The following BSPRY variants were observed in gnomAD, a reference collection of about 807,000 sequenced individuals.
The protein encoded by BSPRY is B-box and SPRY domain containing, also known as B box and SPRY domain-containing protein.
In BSPRY, 33 loss-of-function variants were observed where a neutral mutation model predicts 38.0. The ratio of observed to expected loss-of-function variants is 0.87; its 90% CI spans 0.66 to 1.16. BSPRY has a LOEUF of 1.16. Ranked by LOEUF, BSPRY falls within the 50% of genes most tolerant of loss-of-function variation. The pLI is 0.00. For synonymous variants in BSPRY, 224 were observed against 228.5 expected, an observed-to-expected ratio of 0.98 and a Z score of 0.18; for missense variants, 523 against 533.2, an observed-to-expected ratio of 0.98 and a Z score of 0.19.
At chr9:113,358,318 G>T (rs750041685) in intron 2 of BSPRY, among the ~76,000 whole-genome samples, 1 of 151,456 alleles carries the variant, frequency 6.6e-6, no homozygotes, top group Non-Finnish European at 1.5e-5. Flanking sequence ...ACCCAGGCTG[G>T]AGTGCAGTGG....
chr9:113,357,768 G>T (rs973840705), intron 2 of BSPRY, among the ~76,000 whole-genome samples: 3 of 150,576 alleles, frequency 2.0e-5, no homozygotes, highest in Non-Finnish European at 4.4e-5. Context: ...AAATGCAGTG[G>T]CGCAATCATA....
At chr9:113,353,054 T>C (rs1833996154) in intron 1 of BSPRY, among the ~76,000 whole-genome samples, 2 of 152,216 alleles carry the variant, frequency 1.3e-5, no homozygotes, top group Admixed American at 6.5e-5. Context: ...GTCAGGCAGC[T>C]GAGTATGACG....
At chr9:113,357,049 A>G (rs35852964) in intron 2 of BSPRY, among the ~76,000 whole-genome samples, 9,268 of 152,270 alleles carry the variant, frequency 0.061, 445 homozygotes, top group South Asian at 0.17. Context: ...GACATCACTA[A>G]GTGAATGAGT....
At chr9:113,359,078 G>A (rs1834109803) in intron 2 of BSPRY, among the ~76,000 whole-genome samples, 1 of 152,038 alleles carries the variant, frequency 6.6e-6, no homozygotes, top group Admixed American at 6.6e-5. Flanking sequence ...GAGCAATAGT[G>A]AATGAATGTT....
At chr9:113,357,906 A>C (rs7848365) in intron 2 of BSPRY, among the ~76,000 whole-genome samples, 15 of 9,762 alleles carry the variant, frequency 1.5e-3, no homozygotes, top group East Asian at 0.024. Context: ...ATATATATAT[A>C]TATATATATA....
chr9:113,363,635 C>A (rs1834191626), intron 4 of BSPRY, among the ~76,000 whole-genome samples: 1 of 151,882 alleles, frequency 6.6e-6, no homozygotes, highest in Non-Finnish European at 1.5e-5. Flanking sequence ...AATCCCAGCA[C>A]TTTGGGAGGC....
intron 3 of BSPRY, among the ~76,000 whole-genome samples, chr9:113,362,071 A>C (rs1834162534): frequency 1.3e-5 from 2 of 152,108 alleles, no homozygotes; most frequent in South Asian, 4.1e-4. Flanking sequence ...TCTTCATGGG[A>C]GATGCTGTTG....
rs566397128 is a variant in BSPRY, at chr9:113,356,229, G to A, written c.300+1891G>A. On this transcript the variant is annotated intron_variant, in intron 2 of 5. Transcript: ENST00000374183. ...ACTTCATTAAGAAGGTTGAGGCTGG[G>A]CGCAGTGGCTCATGCCTGTAATCCC... Among the ~76,000 whole-genome samples the A allele has an allele frequency of 4.6e-5, 7 of 152,300 alleles. No homozygotes were observed. The South Asian group carries it at 1.5e-3, about 32-fold the overall frequency.
At position 113,349,600 on chromosome 9, in the gene BSPRY, G is replaced by T. The variant is rs1012644877; in HGVS notation, c.21G>T (p.Glu7Asp). MSAEGA[E>D]PGPGSGSGPG... ...CGGCCATGTCCGCCGAGGGCGCGGA[G>T]CCGGGGCCGGGGTCCGGGTCCGGGC... Residue 7 changes from glutamate (E) to aspartate (D), a missense_variant, in exon 1 of 6, where the codon GAG (glutamate) becomes GAT (aspartate). Physicochemically the swap from Glu to Asp is conservative, Grantham distance 45. Transcript: ENST00000374183. 8 of 1,184,434 alleles carry T rather than the reference G, an allele frequency of 6.8e-6. No homozygotes were observed. The highest frequency in any genetic ancestry group is 1.6e-5 in the African/African-American group (1 of 62,182). The allele number at this position is 1,184,434 out of a possible 1,614,324, so 73.4% of individuals were successfully genotyped here.
At chr9:113,363,461 AAG>A (rs1213902228) in intron 4 of BSPRY, among the ~76,000 whole-genome samples, 1 of 152,058 alleles carries the variant, frequency 6.6e-6, no homozygotes, top group Non-Finnish European at 1.5e-5. Flanking sequence ...AAAAAAGAAA[AAG>A]AAAAATGAGT....
intron 4 of BSPRY, among the ~76,000 whole-genome samples, chr9:113,363,421 A>G (rs563242566): frequency 1.4e-4 from 21 of 152,332 alleles, no homozygotes; most frequent in African/African-American, 4.8e-4. Context: ...AGCCTGGGCA[A>G]CAGAGTAAGA....
In BSPRY at chr9:113,370,337, T is replaced by G. The variant is rs1183143779; in HGVS notation, c.*195T>G. ...TGTAAATCACAGGTGTCCAAACTTT[T>G]GGCTTCCCTGGGCCACATTTGAAGA... On this transcript the variant is annotated 3_prime_UTR_variant, in exon 6 of 6. Coordinates refer to ENST00000374183, the MANE Select transcript of BSPRY (RefSeq NM_017688.3). This position sits in a 1 kb window ranked among gnomAD's most constrained non-coding sequence, Gnocchi z 4.8. 3 of 535,164 alleles carry G rather than the reference T, an allele frequency of 5.6e-6. No individual in the cohort carries two copies. The highest frequency in any genetic ancestry group is 6.9e-5 in the East Asian group (2 of 28,958). The allele number at this position is 535,164 out of a possible 1,614,324, so 33.2% of individuals were successfully genotyped here.
chr9:113,349,595 G>A lies in BSPRY; in HGVS notation c.16G>A (p.Ala6Thr). The A allele has an allele frequency of 8.5e-7, 1 of 1,179,860 alleles. No homozygotes were observed. The highest frequency in any genetic ancestry group is 4.0e-5 in the South Asian group (1 of 24,906). The allele number at this position is 1,179,860 out of a possible 1,614,324, so 73.1% of individuals were successfully genotyped here. Reference sequence around the variant, plus strand: ...GCGCACGGCCATGTCCGCCGAGGGCGCGGAGCCGGGGCCGGGGTCCGGGTC... The same window carrying A: ...GCGCACGGCCATGTCCGCCGAGGGCACGGAGCCGGGGCCGGGGTCCGGGTC... MSAEGAEPGPGSGSGP... is the reference protein window; with the variant it reads MSAEGTEPGPGSGSGP... Residue 6 changes from alanine (A) to threonine (T), a missense_variant, in exon 1 of 6, where the codon GCG becomes ACG. Physicochemically the swap from Ala to Thr is moderately conservative, Grantham distance 58. Transcript: ENST00000374183.
At chr9:113,368,186 CTT>C in intron 4 of BSPRY, 71 bp from the exon 5 acceptor site, 1 of 1,570,512 alleles carries the variant, frequency 6.4e-7, no homozygotes, top group African/African-American at 1.4e-5. Context: ...CTGTTCTTCT[CTT>C]CACCCCATAT....
chr9:113,349,741 C>T lies in BSPRY; in HGVS notation c.162C>T (p.His54=). 1 of 1,238,582 alleles carries T rather than the reference C, an allele frequency of 8.1e-7. No homozygotes were observed. Among genetic ancestry groups the T allele is most frequent in the Non-Finnish European group, 1.0e-6 (1 of 992,918 alleles). 76.7% of individuals were successfully genotyped at this position (1,238,582 alleles called of 1,614,324 possible). Residue 54 remains histidine, a synonymous_variant, in exon 1 of 6, where the codon CAC becomes CAT. Coordinates refer to ENST00000374183, the MANE Select transcript of BSPRY (RefSeq NM_017688.3). ...CAGLGGRCRG[H]RIRRAEERAE... ...GGTTGGGCGGTCGCTGCCGGGGGCACCGCATCCGCCGGGCGGAGGAGCGCG... is the reference window on the plus strand; with the variant it reads ...GGTTGGGCGGTCGCTGCCGGGGGCATCGCATCCGCCGGGCGGAGGAGCGCG...
chr9:113,362,423 G>A, intron 4 of BSPRY, 29 bp downstream of exon 4: 1 of 1,612,532 alleles, frequency 6.2e-7, no homozygotes, highest in Non-Finnish European at 8.5e-7. Context: ...ATTTGACTGG[G>A]TAGTCTTGGA....
chr9:113,369,592 A>C, intron 5 of BSPRY, 24 bp from the exon 6 acceptor site: 1 of 1,584,416 alleles, frequency 6.3e-7, no homozygotes, highest in Admixed American at 1.7e-5. Flanking sequence ...GGCCCTCGGC[A>C]ACTCTGAGAA....
At chr9:113,365,866 G>T (rs1385182797) in intron 4 of BSPRY, among the ~76,000 whole-genome samples, 7 of 147,312 alleles carry the variant, frequency 4.8e-5, no homozygotes, top group African/African-American at 1.8e-4. Context: ...GTGCAGTGGC[G>T]CAATCTTGCC....
At position 113,370,028 on chromosome 9, in the gene BSPRY, G is replaced by T; in HGVS notation, c.1095G>T (p.Leu365=). Residue 365 remains leucine (L), a synonymous_variant, in exon 6 of 6, where the codon CTG becomes CTT. Coordinates refer to ENST00000374183, the MANE Select transcript of BSPRY (RefSeq NM_017688.3). The surrounding 1 kb of genome is among the most constrained non-coding windows in gnomAD (Gnocchi z 4.8). ...TGCTGGACTTGCAGGTTCAGGAGCT[G>T]CTCTTCTATGAGCCAGCCTCCGGCA... ...GVVLDLQVQE[L]LFYEPASGTV... 6.2e-7 allele frequency: 1 copy of T among 1,614,146 alleles called. No homozygotes were observed. The highest frequency in any genetic ancestry group is 8.5e-7 in the Non-Finnish European group (1 of 1,180,022).
Sources: allele counts gnomAD v4.1 joint callset (sites outside exome capture counted in the v4.1 genomes callset), GRCh38; gene constraint gnomAD v4.1.1; non-coding constraint Gnocchi (gnomAD v3.1); transcripts MANE v1.5; gene names NCBI Gene and HGNC (gene_info 2026-07-23, HGNC 2026-07-21).